The following ATRNL1 variants were observed in gnomAD, a reference collection of about 807,000 sequenced individuals.
ATRNL1 encodes the protein attractin-like protein 1.
ATRNL1 carries 95 observed loss-of-function variants against 182.7 expected under a neutral mutation model. The ratio of observed to expected loss-of-function variants is 0.52; its 90% confidence interval spans 0.44 to 0.62. The LOEUF (loss-of-function observed/expected upper bound fraction) is 0.62, where lower values mean the gene tolerates loss of function less well. ATRNL1 is among the 20% of genes least tolerant of loss of function. The pLI, the probability that ATRNL1 is intolerant of heterozygous loss-of-function variation, is 0.00. For missense variants in ATRNL1, 1,471 were observed against 1,679.5 expected (o/e 0.88, Z 2.17); for synonymous variants, 576 against 568.3 (o/e 1.01, Z -0.19).
intron 26 of ATRNL1, among the ~76,000 whole-genome samples, chr10:115,616,920 G>A (rs74161605): frequency 0.011 from 1,711 of 152,294 alleles, 28 homozygotes; most frequent in African/African-American, 0.039. Flanking sequence ...AGTGCAGAGC[G>A]GATATGTCAG....
chr10:115,313,375 T>C (rs576949747), intron 17 of ATRNL1, among the ~76,000 whole-genome samples: 73 of 152,264 alleles, frequency 4.8e-4, no homozygotes, highest in African/African-American at 1.7e-3. Context: ...TGGCTCTTGG[T>C]GCTTTCAGTC....
intron 28 of ATRNL1, among the ~76,000 whole-genome samples, chr10:115,917,792 A>G (rs1326689892): frequency 6.6e-6 from 1 of 152,206 alleles, no homozygotes; most frequent in Non-Finnish European, 1.5e-5. Context: ...TTCTTACTAC[A>G]GTATTTCAGG....
At chr10:115,477,640 AT>A (rs1186192184) in intron 24 of ATRNL1, among the ~76,000 whole-genome samples, 1 of 151,602 alleles carries the variant, frequency 6.6e-6, no homozygotes, top group African/African-American at 2.4e-5. Flanking sequence ...AAGGAAAAAA[AT>A]ATCTGAAGAA....
At chr10:115,178,525 A>G (rs1256338974) in intron 8 of ATRNL1, among the ~76,000 whole-genome samples, 1 of 152,128 alleles carries the variant, frequency 6.6e-6, no homozygotes, top group Non-Finnish European at 1.5e-5. Flanking sequence ...TTGTTTTTAA[A>G]TGAATATGAC....
At chr10:115,693,766 G>A (rs1026497879) in intron 26 of ATRNL1, among the ~76,000 whole-genome samples, 3 of 152,010 alleles carry the variant, frequency 2.0e-5, no homozygotes, top group South Asian at 2.1e-4. Context: ...TAAAAATTAA[G>A]TAGAGCAAAA....
At chr10:115,921,404 A>T (rs1343276309) in intron 28 of ATRNL1, among the ~76,000 whole-genome samples, 1 of 152,190 alleles carries the variant, frequency 6.6e-6, no homozygotes, top group Non-Finnish European at 1.5e-5. Context: ...AACTTTTTGT[A>T]TGTCAGTCAT....
Position 115,886,172 on chromosome 10 carries a change from G to A in ATRNL1, c.4018+38181G>A, listed in dbSNP as rs1471734230. On this transcript the variant is annotated intron_variant, in intron 28 of 28. Transcript: ENST00000355044. Reference sequence around the variant, plus strand: ...CAAATGGAAGTTCAAATAGCAAAAAGCAGTGGCAGGATTGAGCCATCACAT... The same window carrying A: ...CAAATGGAAGTTCAAATAGCAAAAAACAGTGGCAGGATTGAGCCATCACAT... 2.0e-5 allele frequency among the ~76,000 whole-genome samples: 3 copies of A among 152,128 alleles called. No individual in the cohort carries two copies. In the East Asian group the frequency reaches 5.8e-4, roughly 29 times the overall value.
chr10:115,254,809 TG>T (rs1486320060), intron 10 of ATRNL1, among the ~76,000 whole-genome samples: 2 of 152,178 alleles, frequency 1.3e-5, no homozygotes, highest in African/African-American at 4.8e-5. Context: ...AATTAATTTT[TG>T]TATAAGGTGT....
chr10:115,553,339 T>G (rs1853111151), intron 26 of ATRNL1, among the ~76,000 whole-genome samples: 1 of 151,424 alleles, frequency 6.6e-6, no homozygotes, highest in South Asian at 2.1e-4. Context: ...ATATTACTAG[T>G]GAGTCTGAGT....
At chr10:115,604,503 C>A (rs782021772) in intron 26 of ATRNL1, among the ~76,000 whole-genome samples, 5 of 152,086 alleles carry the variant, frequency 3.3e-5, no homozygotes, top group African/African-American at 7.2e-5. Context: ...CTTTGTCTGC[C>A]TTTGTGCCTT....
At chr10:115,177,922 TTG>T (rs1218439433) in intron 8 of ATRNL1, among the ~76,000 whole-genome samples, 6 of 120,500 alleles carry the variant, frequency 5.0e-5, no homozygotes, top group African/African-American at 9.2e-5. Context: ...GTTTTTTTTT[TTG>T]TTTTTTTTTT....
chr10:115,554,092 T>G (rs1315299830), intron 26 of ATRNL1, among the ~76,000 whole-genome samples: 1 of 151,578 alleles, frequency 6.6e-6, no homozygotes, highest in Admixed American at 6.6e-5. Context: ...GTTCTGTATT[T>G]TGTAAATGTT....
intron 21 of ATRNL1, among the ~76,000 whole-genome samples, chr10:115,455,695 G>A (rs545512136): frequency 2.3e-4 from 35 of 152,246 alleles, no homozygotes; most frequent in African/African-American, 8.2e-4. Flanking sequence ...AGAGTGAACA[G>A]GCAGCCTACA....
chr10:115,181,879 T>C (rs1847759943), intron 8 of ATRNL1, among the ~76,000 whole-genome samples: 1 of 151,600 alleles, frequency 6.6e-6, no homozygotes. Flanking sequence ...CCCATACTAG[T>C]AAAAAGTTGA....
intron 19 of ATRNL1, among the ~76,000 whole-genome samples, chr10:115,369,032 A>T (rs570284815): frequency 3.3e-5 from 5 of 152,166 alleles, no homozygotes; most frequent in South Asian, 4.2e-4. Flanking sequence ...GAGATTTTAG[A>T]TACTGCATAC....
At chr10:115,354,660 G>A (rs191631735) in intron 19 of ATRNL1, among the ~76,000 whole-genome samples, 74 of 152,066 alleles carry the variant, frequency 4.9e-4, no homozygotes, top group African/African-American at 1.5e-3. Context: ...TATATGTCTT[G>A]TGGTAGTCTT....
intron 20 of ATRNL1, among the ~76,000 whole-genome samples, chr10:115,398,938 C>G (rs576126845): frequency 6.6e-6 from 1 of 151,840 alleles, no homozygotes; most frequent in South Asian, 2.1e-4. Flanking sequence ...TTATAGAAAC[C>G]CCTTTCTGCA....
chr10:115,164,143 T>C (rs1480163054), intron 6 of ATRNL1, among the ~76,000 whole-genome samples: 1 of 152,144 alleles, frequency 6.6e-6, no homozygotes, highest in Non-Finnish European at 1.5e-5. Flanking sequence ...GAGCATAGAG[T>C]ATAAGCATTT....
intron 1 of ATRNL1, among the ~76,000 whole-genome samples, chr10:115,115,437 G>A (rs1438741919): frequency 6.6e-6 from 1 of 152,048 alleles, no homozygotes; most frequent in African/African-American, 2.4e-5. Context: ...TATGTGGGGT[G>A]ATGGGTATGT....
Sources: allele counts gnomAD v4.1 joint callset (sites outside exome capture counted in the v4.1 genomes callset), GRCh38; gene constraint gnomAD v4.1.1; transcripts MANE v1.5; gene names NCBI Gene and HGNC (gene_info 2026-07-23, HGNC 2026-07-21).